NANOS1: variants seen among roughly 807,000 people sequenced by gnomAD.
NANOS1 encodes the protein nanos C2HC-type zinc finger 1, also known as nanos homolog 1.
NANOS1 carries 1 observed loss-of-function variant against 1.1 expected under a neutral mutation model. That is an observed-to-expected ratio of 0.88 (90% CI 0.31 to 4.20). NANOS1 has a LOEUF of 4.20. Among genes scored for constraint, NANOS1 ranks in the 30% most tolerant of loss-of-function variants. NANOS1 has a pLI of 0.17. For missense variants in NANOS1, 537 were observed against 457.9 expected (o/e 1.17, Z -1.58); for synonymous variants, 252 against 230.6 (o/e 1.09, Z -0.84).
In NANOS1 at chr10:119,030,469, C is replaced by G. The variant is rs762590723; in HGVS notation, c.668C>G (p.Ala223Gly). Residue 223 changes from alanine (A) to glycine (G), a missense_variant, in exon 1 of 1, where the codon GCG becomes GGG. Physicochemically the swap from Ala to Gly is moderately conservative, Grantham distance 60. Coordinates refer to ENST00000425699, the MANE Select transcript of NANOS1 (RefSeq NM_199461.4). The surrounding 1 kb of genome is among the most constrained non-coding windows in gnomAD (Gnocchi z 5.3). ...GTGTTCTGCCGGAACAACAAGGAGG[C>G]GATGGCGCTCTACACCACCCATATC... The part of the protein sequence containing the change: ...VCVFCRNNKE[A>G]MALYTTHILK... 6.7e-7 allele frequency: 1 copy of G among 1,496,162 alleles called. No homozygotes were observed. Among genetic ancestry groups the G allele is most frequent in the African/African-American group, 1.4e-5 (1 of 69,974 alleles). The allele number at this position is 1,496,162 out of a possible 1,614,324, so 92.7% of individuals were successfully genotyped here.
At position 119,030,241 on chromosome 10, in the gene NANOS1, G is replaced by C. The variant is rs997233457; in HGVS notation, c.440G>C (p.Arg147Pro). The part of the protein sequence containing the change: ...GPAEAGLLEE[R>P]FAELSPFAGR... ...GCCGAGGCCGGGCTGCTGGAGGAGC[G>C]CTTCGCCGAGCTGAGCCCGTTCGCG... The change falls in exon 1 of 1, where the codon CGC becomes CCC. Residue 147 changes from arginine (R) to proline (P), a missense_variant. Coordinates refer to ENST00000425699, the MANE Select transcript of NANOS1 (RefSeq NM_199461.4). This position sits in a 1 kb window ranked among gnomAD's most constrained non-coding sequence, Gnocchi z 5.3. 5 of 1,268,180 alleles carry C rather than the reference G, an allele frequency of 3.9e-6. No homozygotes were observed. In the Admixed American group the frequency reaches 1.2e-4, roughly 31 times the overall value. 78.6% of individuals were successfully genotyped at this position (1,268,180 alleles called of 1,614,324 possible). A position where few individuals can be genotyped will look rare whatever the true frequency, so the allele number is the denominator to read the frequency against.
In NANOS1 at chr10:119,031,059, A is replaced by G. The variant is rs1564745224; in HGVS notation, c.*379A>G. The stretch of plus-strand genomic sequence containing the variant: ...GATGTTTCATTTTATGAATGGAGGC[A>G]CTTTACTAGGTCTAGAATATTTTTT... On this transcript the variant is annotated 3_prime_UTR_variant, in exon 1 of 1. Coordinates refer to ENST00000425699, the MANE Select transcript of NANOS1 (RefSeq NM_199461.4). 2 of 205,586 alleles carry G rather than the reference A, an allele frequency of 9.7e-6. No homozygotes were observed. The highest frequency in any genetic ancestry group is 6.1e-5 in the Admixed American group (1 of 16,392). 12.7% of individuals were successfully genotyped at this position (205,586 alleles called of 1,614,324 possible).
chr10:119,030,038 C>T lies in NANOS1; in HGVS notation c.237C>T (p.Ser79=). ...GCGGCGGCGGCTCCCCGCCCTCCTC[C>T]TCCTCGTCGTCCTGCTGCTCCCCCC... ...GNGGGGSPPS[S]SSSSCCSPHT... The change falls in exon 1 of 1, where the codon TCC becomes TCT. Residue 79 remains serine, a synonymous_variant. Coordinates refer to ENST00000425699, the MANE Select transcript of NANOS1 (RefSeq NM_199461.4). The surrounding 1 kb of genome is among the most constrained non-coding windows in gnomAD (Gnocchi z 5.3). 2 of 1,374,944 alleles carry T rather than the reference C, an allele frequency of 1.5e-6. 1 individual carries two copies. The highest frequency in any genetic ancestry group is 3.3e-5 in the South Asian group (2 of 60,954). 85.2% of individuals were successfully genotyped at this position (1,374,944 alleles called of 1,614,324 possible).
chr10:119,030,575 C>A lies in NANOS1; in HGVS notation c.774C>A (p.Asn258Lys). The A allele has an allele frequency of 6.5e-7, 1 of 1,528,540 alleles. No individual in the cohort carries two copies. Among genetic ancestry groups the A allele is most frequent in the Non-Finnish European group, 8.8e-7 (1 of 1,142,616 alleles). 94.7% of individuals were successfully genotyped at this position (1,528,540 alleles called of 1,614,324 possible). A position where few individuals can be genotyped will look rare whatever the true frequency, so the allele number is the denominator to read the frequency against. The part of the protein sequence containing the change: ...TCPLCGASGD[N>K]AHTIKYCPLS... ...CCCTGTGCGGCGCCAGCGGCGACAA[C>A]GCGCACACCATCAAGTACTGCCCGC... Residue 258 changes from asparagine (N) to lysine (K), a missense_variant, in exon 1 of 1, where the codon AAC becomes AAA. Transcript: ENST00000425699. This position sits in a 1 kb window ranked among gnomAD's most constrained non-coding sequence, Gnocchi z 5.3.
rs190493388 is a variant in NANOS1 at position 119,033,536 on chromosome 10, G to A, written c.*2856G>A. On this transcript the variant is annotated 3_prime_UTR_variant, in exon 1 of 1. Coordinates refer to ENST00000425699, the MANE Select transcript of NANOS1 (RefSeq NM_199461.4). ...CAAAAGGGCTTCTCCAACTGTAGAG[G>A]TACAGATTGTCTTAACCTGTTCTTT... 4.2e-3 allele frequency: 710 copies of A among 167,196 alleles called. 3 individuals carry two copies. Among genetic ancestry groups the A allele is most frequent in the South Asian group, 0.014 (68 of 4,830 alleles). 10.4% of individuals were successfully genotyped at this position (167,196 alleles called of 1,614,324 possible).
chr10:119,030,502 G>C lies in NANOS1; in HGVS notation c.701G>C (p.Gly234Ala). 3 of 1,514,674 alleles carry C rather than the reference G, an allele frequency of 2.0e-6. No individual in the cohort carries two copies. The highest frequency in any genetic ancestry group is 2.6e-6 in the Non-Finnish European group (3 of 1,134,506). 93.8% of individuals were successfully genotyped at this position (1,514,674 alleles called of 1,614,324 possible). A position where few individuals can be genotyped will look rare whatever the true frequency, so the allele number is the denominator to read the frequency against. ...MALYTTHILKGPDGRVLCPVL... is the reference protein window; with the variant it reads ...MALYTTHILKAPDGRVLCPVL... ...CTCTACACCACCCATATCCTCAAGGGCCCCGACGGGCGAGTGCTGTGTCCC... is the reference window on the plus strand; with the variant it reads ...CTCTACACCACCCATATCCTCAAGGCCCCCGACGGGCGAGTGCTGTGTCCC... Residue 234 changes from glycine (G) to alanine (A), a missense_variant, in exon 1 of 1, where the codon GGC becomes GCC. By Grantham distance (60) the Gly-to-Ala change is moderately conservative. Coordinates refer to ENST00000425699, the MANE Select transcript of NANOS1 (RefSeq NM_199461.4). This position sits in a 1 kb window ranked among gnomAD's most constrained non-coding sequence, Gnocchi z 5.3.
In NANOS1 at chr10:119,032,099, A is replaced by G. The variant is rs1000985885; in HGVS notation, c.*1419A>G. The G allele has an allele frequency of 6.0e-6, 1 of 167,148 alleles. No homozygotes were observed. Among genetic ancestry groups the G allele is most frequent in the African/African-American group, 2.4e-5 (1 of 41,480 alleles). The allele number at this position is 167,148 out of a possible 1,614,324, so 10.4% of individuals were successfully genotyped here. ...CTCATCTGAAATACACAAATGCATT[A>G]CTATCTGAAGATACCAGCAAGAGTT... is the stretch of plus-strand genomic sequence containing the variant. On this transcript the variant is annotated 3_prime_UTR_variant, in exon 1 of 1. Transcript: ENST00000425699.
At position 119,030,726 on chromosome 10, in the gene NANOS1, C is replaced by A; in HGVS notation, c.*46C>A. On this transcript the variant is annotated 3_prime_UTR_variant, in exon 1 of 1. Coordinates refer to ENST00000425699, the MANE Select transcript of NANOS1 (RefSeq NM_199461.4). This position sits in a 1 kb window ranked among gnomAD's most constrained non-coding sequence, Gnocchi z 5.3. ...CCAGGGTCGCCGCCGCCCCTCGCAC[C>A]GCTAGGTCTGCGCACCATCTCGCCC... is the stretch of plus-strand genomic sequence containing the variant. The A allele has an allele frequency of 7.9e-7, 1 of 1,268,826 alleles. No homozygotes were observed. The highest frequency in any genetic ancestry group is 9.9e-7 in the Non-Finnish European group (1 of 1,006,870). The allele number at this position is 1,268,826 out of a possible 1,614,324, so 78.6% of individuals were successfully genotyped here.
chr10:119,030,275 C>T lies in NANOS1; in HGVS notation c.474C>T (p.Ala158=), dbSNP rs1013137812. The change falls in exon 1 of 1, where the codon GCC becomes GCT. Residue 158 remains alanine, a synonymous_variant. Transcript: ENST00000425699. The surrounding 1 kb of genome is among the most constrained non-coding windows in gnomAD (Gnocchi z 5.3). The stretch of plus-strand genomic sequence containing the variant: ...AGCTGAGCCCGTTCGCGGGTCGTGC[C>T]GCCGCCGTGCTGCTGGGCTGCGCGC... The part of the protein sequence containing the change: ...FAELSPFAGR[A]AAVLLGCAPA... 2 of 1,223,738 alleles carry T rather than the reference C, an allele frequency of 1.6e-6. No individual in the cohort carries two copies. Among genetic ancestry groups the T allele is most frequent in the Non-Finnish European group, 2.0e-6 (2 of 984,088 alleles). The allele number at this position is 1,223,738 out of a possible 1,614,324, so 75.8% of individuals were successfully genotyped here.
chr10:119,033,439 A>C lies in NANOS1; in HGVS notation c.*2759A>C, dbSNP rs918339195. 6.6e-5 allele frequency: 11 copies of C among 167,122 alleles called. No individual in the cohort carries two copies. Among genetic ancestry groups the C allele is most frequent in the Non-Finnish European group, 7.3e-5 (5 of 68,122 alleles). 10.4% of individuals were successfully genotyped at this position (167,122 alleles called of 1,614,324 possible). On this transcript the variant is annotated 3_prime_UTR_variant, in exon 1 of 1. Coordinates refer to ENST00000425699, the MANE Select transcript of NANOS1 (RefSeq NM_199461.4). Reference sequence around the variant, plus strand: ...TTTTTCAAAGTTTAAGAAATATACAAAGTATGACAAAATTATCTTCATAAG... The same window carrying C: ...TTTTTCAAAGTTTAAGAAATATACACAGTATGACAAAATTATCTTCATAAG...
chr10:119,030,479 C>G lies in NANOS1; in HGVS notation c.678C>G (p.Leu226=), dbSNP rs761350896. ...FCRNNKEAMA[L]YTTHILKGPD... ...GGAACAACAAGGAGGCGATGGCGCT[C>G]TACACCACCCATATCCTCAAGGGCC... is the stretch of plus-strand genomic sequence containing the variant. Residue 226 remains leucine, a synonymous_variant, in exon 1 of 1, where the codon CTC becomes CTG. Transcript: ENST00000425699. The surrounding 1 kb of genome is among the most constrained non-coding windows in gnomAD (Gnocchi z 5.3). The G allele has an allele frequency of 1.1e-5, 17 of 1,504,868 alleles. No individual in the cohort carries two copies. The highest frequency in any genetic ancestry group is 8.6e-5 in the African/African-American group (6 of 70,006). 93.2% of individuals were successfully genotyped at this position (1,504,868 alleles called of 1,614,324 possible).
chr10:119,030,138 A>G lies in NANOS1; in HGVS notation c.337A>G (p.Ser113Gly). The G allele has an allele frequency of 7.4e-7, 1 of 1,348,028 alleles. No homozygotes were observed. The highest frequency in any genetic ancestry group is 9.5e-7 in the Non-Finnish European group (1 of 1,053,544). The allele number at this position is 1,348,028 out of a possible 1,614,324, so 83.5% of individuals were successfully genotyped here. The part of the protein sequence containing the change: ...PDYDEDDDDD[S>G]DEPGSRGRYL... Reference sequence around the variant, plus strand: ...CTACGACGAGGACGACGACGACGACAGCGACGAGCCGGGGTCCCGGGGCCG... The same window carrying G: ...CTACGACGAGGACGACGACGACGACGGCGACGAGCCGGGGTCCCGGGGCCG... Residue 113 changes from serine to glycine, a missense_variant, in exon 1 of 1, where the codon AGC (serine) becomes GGC (glycine). Physicochemically the swap from Ser to Gly is moderately conservative, Grantham distance 56. Transcript: ENST00000425699. The surrounding 1 kb of genome is among the most constrained non-coding windows in gnomAD (Gnocchi z 5.3).
At position 119,031,547 on chromosome 10, in the gene NANOS1, CATTTT is replaced by C; in HGVS notation, c.*868_*872del. On this transcript the variant is annotated 3_prime_UTR_variant, in exon 1 of 1. Transcript: ENST00000425699. ...TCTCACCTGTAACTTTCCTACTTGG[CATTTT>C]CTCTACACACTCACCCTCTTCCAGT... 1 of 167,062 alleles carries C rather than the reference CATTTT, an allele frequency of 6.0e-6. No individual in the cohort carries two copies. The highest frequency in any genetic ancestry group is 1.9e-4 in the East Asian group (1 of 5,190). The allele number at this position is 167,062 out of a possible 1,614,324, so 10.3% of individuals were successfully genotyped here. A position where few individuals can be genotyped will look rare whatever the true frequency, so the allele number is the denominator to read the frequency against.
Position 119,030,791 on chromosome 10 carries a change from A to G in NANOS1, c.*111A>G, listed in dbSNP as rs1848036034. ...CGTGCGGCTCAGCGGTCGGCTCGAC[A>G]TGGGACGTCGTCCTGGTGGTTTTTG... is the stretch of plus-strand genomic sequence containing the variant. On this transcript the variant is annotated 3_prime_UTR_variant, in exon 1 of 1. Transcript: ENST00000425699. This position sits in a 1 kb window ranked among gnomAD's most constrained non-coding sequence, Gnocchi z 5.3. 2 of 1,224,086 alleles carry G rather than the reference A, an allele frequency of 1.6e-6. No homozygotes were observed. The highest frequency in any genetic ancestry group is 3.5e-5 in the East Asian group (1 of 28,772). The allele number at this position is 1,224,086 out of a possible 1,614,324, so 75.8% of individuals were successfully genotyped here.
At position 119,030,691 on chromosome 10, in the gene NANOS1, T is replaced by C. The variant is rs948861507; in HGVS notation, c.*11T>C. The C allele has an allele frequency of 3.1e-6, 4 of 1,285,256 alleles. No individual in the cohort carries two copies. The highest frequency in any genetic ancestry group is 4.3e-5 in the Admixed American group (1 of 23,482). The allele number at this position is 1,285,256 out of a possible 1,614,324, so 79.6% of individuals were successfully genotyped here. A position where few individuals can be genotyped will look rare whatever the true frequency, so the allele number is the denominator to read the frequency against. On this transcript the variant is annotated 3_prime_UTR_variant, in exon 1 of 1. Coordinates refer to ENST00000425699, the MANE Select transcript of NANOS1 (RefSeq NM_199461.4). This position sits in a 1 kb window ranked among gnomAD's most constrained non-coding sequence, Gnocchi z 5.3. ...AAGAAGCTGCGCTGAAGGCCCGGGC[T>C]CCCGGCCGCCCAGGGTCGCCGCCGC...
At position 119,032,669 on chromosome 10, in the gene NANOS1, A is replaced by G. The variant is rs949098212; in HGVS notation, c.*1989A>G. 6.0e-6 allele frequency: 1 copy of G among 167,178 alleles called. No homozygotes were observed. The highest frequency in any genetic ancestry group is 1.5e-5 in the Non-Finnish European group (1 of 68,150). The allele number at this position is 167,178 out of a possible 1,614,324, so 10.4% of individuals were successfully genotyped here. A position where few individuals can be genotyped will look rare whatever the true frequency, so the allele number is the denominator to read the frequency against. ...ATCAATTTAGCTACTTTGTATTTTC[A>G]GAGTCAAATTACAGACGGTTTCCAA... is the stretch of plus-strand genomic sequence containing the variant. On this transcript the variant is annotated 3_prime_UTR_variant, in exon 1 of 1. Coordinates refer to ENST00000425699, the MANE Select transcript of NANOS1 (RefSeq NM_199461.4).
chr10:119,029,888 G>A lies in NANOS1; in HGVS notation c.87G>A (p.Val29=). 1 of 1,330,936 alleles carries A rather than the reference G, an allele frequency of 7.5e-7. No individual in the cohort carries two copies. Among genetic ancestry groups the A allele is most frequent in the Non-Finnish European group, 9.6e-7 (1 of 1,040,548 alleles). The allele number at this position is 1,330,936 out of a possible 1,614,324, so 82.4% of individuals were successfully genotyped here. A position where few individuals can be genotyped will look rare whatever the true frequency, so the allele number is the denominator to read the frequency against. ...PMALVPSARY[V]SAPGPAHPQP... is the part of the protein sequence containing the mutation. ...CGCTCGTGCCCAGCGCCCGCTACGT[G>A]AGCGCCCCGGGCCCGGCGCACCCGC... The change falls in exon 1 of 1, where the codon GTG becomes GTA. Residue 29 remains valine, a synonymous_variant. Coordinates refer to ENST00000425699, the MANE Select transcript of NANOS1 (RefSeq NM_199461.4).
At position 119,030,400 on chromosome 10, in the gene NANOS1, G is replaced by C. The variant is rs1239538520; in HGVS notation, c.599G>C (p.Gly200Ala). ...GAGCCCCGGCTGCACGCGGCCTCCG[G>C]GGCGGCGGCCGCCCGGCTGCTGAAG... Reference protein sequence around the residue: ...AAEPRLHAASGAAAARLLKPE... With the variant: ...AAEPRLHAASAAAAARLLKPE... Residue 200 changes from glycine to alanine, a missense_variant, in exon 1 of 1, where the codon GGG becomes GCG. Gly to Ala is a moderately conservative substitution (Grantham distance 60, BLOSUM62 0). Transcript: ENST00000425699. The surrounding 1 kb of genome is among the most constrained non-coding windows in gnomAD (Gnocchi z 5.3). The C allele has an allele frequency of 7.6e-7, 1 of 1,315,180 alleles. No homozygotes were observed. Among genetic ancestry groups the C allele is most frequent in the Non-Finnish European group, 9.7e-7 (1 of 1,026,230 alleles). 81.5% of individuals were successfully genotyped at this position (1,315,180 alleles called of 1,614,324 possible).
Position 119,030,102 on chromosome 10 carries a change from G to T in NANOS1, c.301G>T (p.Gly101Trp). The T allele has an allele frequency of 7.6e-7, 1 of 1,322,380 alleles. No homozygotes were observed. The highest frequency in any genetic ancestry group is 3.1e-5 in the East Asian group (1 of 32,254). 81.9% of individuals were successfully genotyped at this position (1,322,380 alleles called of 1,614,324 possible). The change falls in exon 1 of 1, where the codon GGG becomes TGG. Residue 101 changes from glycine to tryptophan, a missense_variant. By Grantham distance (184) the Gly-to-Trp change is radical. Transcript: ENST00000425699. The surrounding 1 kb of genome is among the most constrained non-coding windows in gnomAD (Gnocchi z 5.3). ...GCCTGGGGCGCTGGGGCCGGCGCTGGGGCCGCCCGACTACGACGAGGACGA... is the reference window on the plus strand; with the variant it reads ...GCCTGGGGCGCTGGGGCCGGCGCTGTGGCCGCCCGACTACGACGAGGACGA... The part of the protein sequence containing the change: ...AGPGALGPAL[G>W]PPDYDEDDDD...
Sources: gnomAD v4.1 joint callset for allele counts on GRCh38, gnomAD v4.1.1 for gene constraint, Gnocchi (gnomAD v3.1) non-coding constraint, MANE v1.5 for transcripts, NCBI Gene and HGNC (gene_info 2026-07-23, HGNC 2026-07-21) for gene names.